Variants in TALDO1 observed in about 807,000 individuals in gnomAD.
The protein encoded by TALDO1 is transaldolase 1.
Under a neutral mutation model 38.1 loss-of-function variants are expected in TALDO1, and 29 were observed. That is an observed-to-expected ratio of 0.76 (90% CI 0.57 to 1.04). The LOEUF (loss-of-function observed/expected upper bound fraction) is 1.04. TALDO1 is among the 50% of genes least tolerant of loss of function. TALDO1 has a pLI of 0.00. For missense variants in TALDO1, 499 were observed against 438.1 expected, an observed-to-expected ratio of 1.14 and a Z score of -1.24; for synonymous variants, 207 against 176.8, an observed-to-expected ratio of 1.17 and a Z score of -1.36.
intron 6 of TALDO1, 81 bp downstream of exon 6, chr11:764,025 T>A: frequency 6.6e-7 from 1 of 1,523,154 alleles, no homozygotes. Flanking sequence ...GGGTGATCCC[T>A]CCCACCTGTG....
intron 1 of TALDO1, among the ~76,000 whole-genome samples, chr11:747,878 G>A (rs527608603): frequency 3.2e-4 from 48 of 152,322 alleles, no homozygotes; most frequent in Non-Finnish European, 4.9e-4. Flanking sequence ...TCAGCCGTGA[G>A]GGGCTCGGTG....
intron 3 of TALDO1, 129 bp downstream of exon 3, chr11:759,186 T>A: frequency 1.3e-6 from 1 of 761,096 alleles, no homozygotes. Context: ...AGGAGGTTTA[T>A]TTTGAGCTCT....
At chr11:764,495 C>T (rs1007343155) in intron 7 of TALDO1, 62 bp downstream of exon 7, 80 of 1,588,214 alleles carry the variant, frequency 5.0e-5, no homozygotes, top group African/African-American at 1.7e-4. Context: ...GCCTGGGCGT[C>T]GGGGTTCAAG....
intron 4 of TALDO1, among the ~76,000 whole-genome samples, chr11:762,252 C>G (rs1862950176): frequency 6.6e-6 from 1 of 152,234 alleles, no homozygotes; most frequent in South Asian, 2.1e-4. Flanking sequence ...GTTTGAGCCA[C>G]TGCACCTGGC....
intron 3 of TALDO1, among the ~76,000 whole-genome samples, chr11:759,364 C>T (rs1316292037): frequency 1.3e-5 from 2 of 152,080 alleles, no homozygotes; most frequent in Non-Finnish European, 2.9e-5. Context: ...CGGCTTGAAG[C>T]GTTTCTCTGC....
chr11:761,878 G>A (rs72844776), intron 4 of TALDO1, among the ~76,000 whole-genome samples: 2,814 of 152,244 alleles, frequency 0.018, 48 homozygotes, highest in Non-Finnish European at 0.027. Context: ...TCGAACCCCT[G>A]GGCTCAAGAG....
In TALDO1 at chr11:764,355, C is replaced by T. The variant is rs147388331; in HGVS notation, c.903C>T (p.Asp301=). The T allele has an allele frequency of 2.5e-6, 4 of 1,614,150 alleles. No individual in the cohort carries two copies. In the African/African-American group the frequency reaches 5.3e-5, roughly 22 times the overall value. ...EKSFRWLHNE[D]QMAVEKLSDG... ...CTTTCCGTTGGTTGCACAACGAGGA[C>T]CAGATGGCTGTGGAGAAGCTCTCTG... is the stretch of plus-strand genomic sequence containing the variant. Residue 301 remains aspartate (D), a synonymous_variant, in exon 7 of 8, where the codon GAC becomes GAT. Transcript: ENST00000319006.
intron 1 of TALDO1, among the ~76,000 whole-genome samples, chr11:750,487 C>CAA (rs758019370): frequency 7.5e-6 from 1 of 133,196 alleles, no homozygotes; most frequent in African/African-American, 2.8e-5. Flanking sequence ...GACCCTGTCT[C>CAA]AAAAAAAAAA....
intron 1 of TALDO1, among the ~76,000 whole-genome samples, chr11:750,780 G>A (rs535753902): frequency 3.3e-5 from 5 of 152,010 alleles, no homozygotes; most frequent in East Asian, 3.9e-4. Flanking sequence ...AGCCGAGATC[G>A]CGCCACTGCA....
At chr11:749,491 A>C (rs2133567664) in intron 1 of TALDO1, among the ~76,000 whole-genome samples, 1 of 151,832 alleles carries the variant, frequency 6.6e-6, no homozygotes, top group African/African-American at 2.4e-5. Context: ...TTGATAGTAT[A>C]TGTTCATAAA....
chr11:747,571 C>A lies in TALDO1; in HGVS notation c.90C>A (p.Asp30Glu). The A allele has an allele frequency of 1.9e-6, 3 of 1,580,964 alleles. No individual in the cohort carries two copies. Among genetic ancestry groups the A allele is most frequent in the Non-Finnish European group, 2.6e-6 (3 of 1,166,548 alleles). ...CCACCGTGGTGGCCGACACGGGCGA[C>A]TTCCACGGTGAGGACGGCGCGGAGC... Reference protein sequence around the residue: ...QFTTVVADTGDFHAIDEYKPQ... With the variant: ...QFTTVVADTGEFHAIDEYKPQ... Residue 30 changes from aspartate to glutamate, a missense_variant, in exon 1 of 8, where the codon GAC becomes GAA. Transcript: ENST00000319006.
intron 1 of TALDO1, among the ~76,000 whole-genome samples, chr11:753,922 G>A (rs1862791423): frequency 6.6e-6 from 1 of 150,762 alleles, no homozygotes; most frequent in African/African-American, 2.4e-5. Context: ...AAAAAAAAAA[G>A]CTACTCAGTG....
chr11:750,949 G>A (rs1439992378), intron 1 of TALDO1, among the ~76,000 whole-genome samples: 1 of 152,196 alleles, frequency 6.6e-6, no homozygotes, highest in Non-Finnish European at 1.5e-5. Context: ...AAGACCCCAG[G>A]TTAAGCCTCG....
At chr11:754,492 AAC>A (rs1862800092) in intron 1 of TALDO1, among the ~76,000 whole-genome samples, 1 of 151,964 alleles carries the variant, frequency 6.6e-6, no homozygotes, top group East Asian at 1.9e-4. Flanking sequence ...TTATTTATGA[AAC>A]AGAGTCTCAC....
rs1271074013 is a variant in TALDO1, at chr11:764,772, G to T, written c.982-41G>T. 3.1e-6 allele frequency: 5 copies of T among 1,614,044 alleles called. No individual in the cohort carries two copies. The African/African-American group carries it at 6.7e-5, about 22-fold the overall frequency. On this transcript the variant is annotated intron_variant, in intron 7 of 7. Coordinates refer to ENST00000319006, the MANE Select transcript of TALDO1 (RefSeq NM_006755.2). ...CTTGTGAGGCTTCAAGGTGCAGAAG[G>T]TAGGGTGGGGAGACACAGCTCGTGC...
At chr11:764,492 C>T (rs1032728420) in intron 7 of TALDO1, 59 bp downstream of exon 7, 9 of 1,590,794 alleles carry the variant, frequency 5.7e-6, no homozygotes, top group East Asian at 2.3e-5. Flanking sequence ...CGGGCCTGGG[C>T]GTCGGGGTTC....
intron 2 of TALDO1, among the ~76,000 whole-genome samples, chr11:757,845 T>TA (rs1862863987): frequency 6.6e-6 from 1 of 152,204 alleles, no homozygotes; most frequent in Non-Finnish European, 1.5e-5. Flanking sequence ...GAATACATTT[T>TA]AAAATGGTGG....
rs765872752 is a variant in TALDO1, at chr11:763,771, A to G, written c.662A>G (p.Tyr221Cys). Reference protein sequence around the residue: ...DPGVKSVTKIYNYYKKFSYKT... With the variant: ...DPGVKSVTKICNYYKKFSYKT... ...GGGGTAAAGAGTGTCACTAAAATCT[A>G]CAACTACTACAAGAAGTTTAGCTAC... Residue 221 changes from tyrosine (Y) to cysteine (C), a missense_variant, in exon 6 of 8, where the codon TAC becomes TGC. Physicochemically the swap from Tyr to Cys is radical, Grantham distance 194. Coordinates refer to ENST00000319006, the MANE Select transcript of TALDO1 (RefSeq NM_006755.2). The G allele has an allele frequency of 1.9e-5, 30 of 1,613,896 alleles. No homozygotes were observed. Among genetic ancestry groups the G allele is most frequent in the African/African-American group, 4.0e-5 (3 of 74,892 alleles).
chr11:747,700 C>G, intron 1 of TALDO1, 122 bp downstream of exon 1: 2 of 855,692 alleles, frequency 2.3e-6, no homozygotes, highest in Non-Finnish European at 3.5e-6. Flanking sequence ...GCGGCTCGTT[C>G]CGGGAGGAAT....
Sources: gnomAD v4.1 joint callset for allele counts (sites outside exome capture counted in the v4.1 genomes callset) on GRCh38, gnomAD v4.1.1 for gene constraint, MANE v1.5 for transcripts, NCBI Gene and HGNC (gene_info 2026-07-23, HGNC 2026-07-21) for gene names.